Variants in LSAMP observed in about 807,000 individuals in gnomAD.
LSAMP encodes the protein limbic system-associated membrane protein.
Under a neutral mutation model 38.6 loss-of-function variants are expected in LSAMP, and 7 were observed. The observed-to-expected ratio is 0.18, with a 90% confidence interval of 0.10 to 0.34. The LOEUF (loss-of-function observed/expected upper bound fraction) is 0.34. Among genes scored for constraint, LSAMP ranks in the 10% least tolerant of loss-of-function variants. The probability of loss-of-function intolerance (pLI) is 1.00; values close to 1 mark genes in which losing one functional copy is unlikely to be tolerated. For missense variants in LSAMP, 313 were observed against 420.0 expected (o/e 0.75, Z 2.23); for synonymous variants, 154 against 166.8 (o/e 0.92, Z 0.59).
At chr3:116,351,298 A>G (rs1053975712) in intron 1 of LSAMP, among the ~76,000 whole-genome samples, 1 of 152,016 alleles carries the variant, frequency 6.6e-6, no homozygotes, top group Admixed American at 6.6e-5. Context: ...CCTACCTTCC[A>G]ATGGAGATGC....
chr3:116,257,761 CAGAGCTGCTGAT>C (rs1388611794), intron 1 of LSAMP, among the ~76,000 whole-genome samples: 2 of 152,138 alleles, frequency 1.3e-5, no homozygotes, highest in Admixed American at 1.3e-4. Flanking sequence ...ATTACACCTA[CAGAGCTGCTGAT>C]ACATGGTGGG....
intron 1 of LSAMP, among the ~76,000 whole-genome samples, chr3:116,235,503 GAA>G (rs1478708616): frequency 3.3e-5 from 5 of 152,086 alleles, no homozygotes; most frequent in Non-Finnish European, 7.4e-5. Flanking sequence ...GAGGAAGAGA[GAA>G]AGAGATAGAG....
At chr3:115,938,639 C>G (rs1213309880) in intron 3 of LSAMP, among the ~76,000 whole-genome samples, 1 of 152,134 alleles carries the variant, frequency 6.6e-6, no homozygotes, top group Non-Finnish European at 1.5e-5. Flanking sequence ...TTAAGAAAAA[C>G]TTCCCATGTA....
chr3:116,163,664 G>A (rs928808431), intron 1 of LSAMP, among the ~76,000 whole-genome samples: 5 of 151,824 alleles, frequency 3.3e-5, no homozygotes, highest in African/African-American at 4.8e-5. Flanking sequence ...TGAATTCCAC[G>A]ATGGTTGAAC....
chr3:115,818,790 T>TATATATATATA (rs1934117792), intron 6 of LSAMP, among the ~76,000 whole-genome samples: 1 of 69,786 alleles, frequency 1.4e-5, no homozygotes, highest in Non-Finnish European at 3.0e-5. Context: ...AGTTGTACTT[T>TATATATATATA]TATATATATA....
chr3:116,317,090 G>A lies in LSAMP; in HGVS notation c.155+127787C>T, dbSNP rs2047639230. Among the ~76,000 whole-genome samples the A allele has an allele frequency of 2.0e-5, 3 of 152,100 alleles. No homozygotes were observed. In the South Asian group the frequency reaches 6.2e-4, roughly 32 times the overall value. Reference sequence around the variant, plus strand: ...AAATGGACCAATCAGCAGGACAAGGGCAGGGACAAATAAAGGAATAAAGTT... The same window carrying A: ...AAATGGACCAATCAGCAGGACAAGGACAGGGACAAATAAAGGAATAAAGTT... On this transcript the variant is annotated intron_variant, in intron 1 of 6. Coordinates refer to ENST00000490035, the MANE Select transcript of LSAMP (RefSeq NM_002338.5).
chr3:116,243,040 G>A (rs933073455), intron 1 of LSAMP, among the ~76,000 whole-genome samples: 4 of 152,118 alleles, frequency 2.6e-5, no homozygotes, highest in African/African-American at 9.7e-5. Flanking sequence ...GTCAACCAGG[G>A]GATGACAAGG....
intron 1 of LSAMP, among the ~76,000 whole-genome samples, chr3:116,187,681 A>T (rs779503062): frequency 4.6e-5 from 7 of 152,142 alleles, no homozygotes; most frequent in Non-Finnish European, 8.8e-5. Context: ...CTCACACAGC[A>T]TCTTTCTTTT....
rs1940775010 is a variant in LSAMP at position 116,025,708 on chromosome 3, C to A, written c.389-6068G>T. On this transcript the variant is annotated intron_variant, in intron 2 of 6. Transcript: ENST00000490035. ...TGTTGAATGATGTAAAGTGCATATA[C>A]TCTTTTGGTTTTCAGAATCACCCTA... Among the ~76,000 whole-genome samples, 5 of 152,124 alleles carry A rather than the reference C, an allele frequency of 3.3e-5. No individual in the cohort carries two copies. In the South Asian group the frequency reaches 1.0e-3, roughly 32 times the overall value.
At chr3:115,987,717 G>A (rs1461733399) in intron 3 of LSAMP, among the ~76,000 whole-genome samples, 2 of 152,130 alleles carry the variant, frequency 1.3e-5, no homozygotes, top group Admixed American at 6.6e-5. Flanking sequence ...AGATGATTAC[G>A]AATTAGGACT....
intron 3 of LSAMP, among the ~76,000 whole-genome samples, chr3:115,891,454 GC>G (rs1385283111): frequency 6.6e-6 from 1 of 152,026 alleles, no homozygotes; most frequent in African/African-American, 2.4e-5. Flanking sequence ...CCCAGTCAAA[GC>G]CTTCCTACAT....
At chr3:116,134,165 AT>A (rs1709196336) in intron 1 of LSAMP, among the ~76,000 whole-genome samples, 1 of 152,130 alleles carries the variant, frequency 6.6e-6, no homozygotes, top group Admixed American at 6.5e-5. Context: ...CAAATAAACT[AT>A]TTTCAAGCCA....
At position 116,060,777 on chromosome 3, in the gene LSAMP, AAAC is replaced by A. The variant is rs558318455; in HGVS notation, c.388+25544_388+25546del. Among the ~76,000 whole-genome samples the A allele has an allele frequency of 3.3e-5, 5 of 152,144 alleles. No individual in the cohort carries two copies. The South Asian group carries it at 6.2e-4, about 19-fold the overall frequency. On this transcript the variant is annotated intron_variant, in intron 2 of 6. Transcript: ENST00000490035. Reference sequence around the variant, plus strand: ...CTCCATCTCAAAAAACAAACAAACAAAACAACAACAACAAGAACAAAAACCCAC... The same window carrying A: ...CTCCATCTCAAAAAACAAACAAACAAAACAACAACAAGAACAAAAACCCAC...
intron 1 of LSAMP, among the ~76,000 whole-genome samples, chr3:116,437,960 GT>G (rs1412814390): frequency 1.3e-5 from 2 of 149,638 alleles, no homozygotes; most frequent in Non-Finnish European, 3.0e-5. Flanking sequence ...TATCTATGAG[GT>G]TTTCCTACAG....
intron 1 of LSAMP, among the ~76,000 whole-genome samples, chr3:116,409,824 T>C: frequency 6.6e-6 from 1 of 152,006 alleles, no homozygotes; most frequent in Non-Finnish European, 1.5e-5. Flanking sequence ...TGTAAATACT[T>C]TGGAGGAGCT....
rs138994029 is a variant in LSAMP, at chr3:116,427,898, G to T, written c.155+16979C>A. Reference sequence around the variant, plus strand: ...AGCTGATGTTCCCAGGTAACTCAGAGCATTCTCTTAATCAGGTCCTCAGAG... The same window carrying T: ...AGCTGATGTTCCCAGGTAACTCAGATCATTCTCTTAATCAGGTCCTCAGAG... On this transcript the variant is annotated intron_variant, in intron 1 of 6. Coordinates refer to ENST00000490035, the MANE Select transcript of LSAMP (RefSeq NM_002338.5). 2.0e-3 allele frequency among the ~76,000 whole-genome samples: 307 copies of T among 152,284 alleles called. 2 individuals are homozygous for T. The highest frequency in any genetic ancestry group is 7.0e-3 in the African/African-American group (291 of 41,544).
chr3:115,854,279 ATTATTTTTTTT>A (rs1444178416), intron 3 of LSAMP, among the ~76,000 whole-genome samples: 3 of 116,390 alleles, frequency 2.6e-5, no homozygotes, highest in African/African-American at 1.0e-4. Flanking sequence ...TATTATTATT[ATTATTTTTTTT>A]TTTTTTTTTT....
At chr3:115,934,280 G>A (rs572693804) in intron 3 of LSAMP, among the ~76,000 whole-genome samples, 48 of 151,720 alleles carry the variant, frequency 3.2e-4, no homozygotes, top group Middle Eastern at 3.4e-3. Flanking sequence ...CCTAGTTCAA[G>A]CAATTCTCAA....
intron 1 of LSAMP, among the ~76,000 whole-genome samples, chr3:116,216,326 A>G (rs1446893302): frequency 2.0e-5 from 3 of 152,158 alleles, no homozygotes; most frequent in Admixed American, 6.5e-5. Flanking sequence ...GTCTGTTGAC[A>G]TTCTTTAGGT....
Sources: allele counts gnomAD v4.1 joint callset (sites outside exome capture counted in the v4.1 genomes callset), GRCh38; gene constraint gnomAD v4.1.1; transcripts MANE v1.5; gene names NCBI Gene and HGNC (gene_info 2026-07-23, HGNC 2026-07-21).